Variants in JPH3 observed in about 807,000 individuals in gnomAD.
JPH3 encodes the protein junctophilin-3.
A neutral mutation model predicts 59.6 loss-of-function variants in JPH3; 11 were observed. The ratio of observed to expected loss-of-function variants is 0.18; its 90% CI spans 0.12 to 0.31. The LOEUF (loss-of-function observed/expected upper bound fraction) is 0.31, where lower values mean the gene tolerates loss of function less well. Ranked by LOEUF, JPH3 falls within the 10% of genes least tolerant of loss-of-function variation. JPH3 has a pLI of 1.00. For synonymous variants in JPH3, 673 were observed against 483.6 expected, an observed-to-expected ratio of 1.39 and a Z score of -5.14; for missense variants, 1,202 against 1,105.7, an observed-to-expected ratio of 1.09 and a Z score of -1.24.
At chr16:87,690,775 A>T (rs1313465761) in intron 4 of JPH3, among the ~76,000 whole-genome samples, 2 of 151,910 alleles carry the variant, frequency 1.3e-5, no homozygotes, top group Admixed American at 1.3e-4. Flanking sequence ...AAAGCACACG[A>T]AACTCCTGGT....
intron 2 of JPH3, among the ~76,000 whole-genome samples, chr16:87,646,254 A>G (rs1048863867): frequency 1.3e-5 from 2 of 152,262 alleles, no homozygotes; most frequent in East Asian, 1.9e-4. Context: ...CCTTTGATCT[A>G]TAGTGAAAAA....
chr16:87,634,606 C>A (rs894892071), intron 1 of JPH3, among the ~76,000 whole-genome samples: 1 of 152,260 alleles, frequency 6.6e-6, no homozygotes, highest in African/African-American at 2.4e-5. Flanking sequence ...CTGCCCCAGG[C>A]CCAGGCTGGT....
chr16:87,617,154 C>T (rs773823855), intron 1 of JPH3, among the ~76,000 whole-genome samples: 4 of 148,110 alleles, frequency 2.7e-5, no homozygotes, highest in African/African-American at 8.0e-5. Context: ...GCCTGGGAGG[C>T]GGAGGTTGCA....
At chr16:87,655,397 GGGCTGGAGTGCAGTGGTAC>G (rs2032465576) in intron 2 of JPH3, among the ~76,000 whole-genome samples, 1 of 152,090 alleles carries the variant, frequency 6.6e-6, no homozygotes. Flanking sequence ...TCTGTCCCCC[GGGCTGGAGTGCAGTGGTAC>G]GATCATAGCC....
intron 1 of JPH3, among the ~76,000 whole-genome samples, chr16:87,608,452 C>T (rs2030608866): frequency 6.6e-6 from 1 of 152,180 alleles, no homozygotes; most frequent in Non-Finnish European, 1.5e-5. Context: ...GGCCGCTTCC[C>T]CCGCTGGTAG....
At chr16:87,678,837 AC>A (rs1440859156) in intron 2 of JPH3, among the ~76,000 whole-genome samples, 1 of 152,218 alleles carries the variant, frequency 6.6e-6, no homozygotes. Context: ...GAGTAAGGCC[AC>A]CACGAGCCTG....
chr16:87,625,673 G>A (rs1174917704), intron 1 of JPH3, among the ~76,000 whole-genome samples: 1 of 152,158 alleles, frequency 6.6e-6, no homozygotes, highest in African/African-American at 2.4e-5. Context: ...CCTTCATCAA[G>A]CTGTAATGAA....
At chr16:87,666,199 C>T (rs2032855702) in intron 2 of JPH3, among the ~76,000 whole-genome samples, 2 of 151,198 alleles carry the variant, frequency 1.3e-5, no homozygotes, top group Non-Finnish European at 2.9e-5. Context: ...AGCAGTTCTC[C>T]TGCCTCAGGC....
chr16:87,649,778 G>C (rs1011882461), intron 2 of JPH3, among the ~76,000 whole-genome samples: 1 of 91,392 alleles, frequency 1.1e-5, no homozygotes, highest in Admixed American at 1.1e-4. Context: ...CAGAACCCCA[G>C]GGTGAAGGAG....
intron 1 of JPH3, among the ~76,000 whole-genome samples, chr16:87,614,487 TCCGC>T (rs2030867726): frequency 4.6e-5 from 4 of 86,246 alleles, no homozygotes; most frequent in Admixed American, 1.1e-4. Flanking sequence ...CACACGAGGG[TCCGC>T]GCGTCCCCCG....
At chr16:87,604,950 C>T (rs899770912) in intron 1 of JPH3, 3 of 453,190 alleles carry the variant, frequency 6.6e-6, no homozygotes, top group South Asian at 1.6e-5. Flanking sequence ...CGGGAGCAGA[C>T]GGTGCTCCCT....
intron 1 of JPH3, among the ~76,000 whole-genome samples, chr16:87,639,224 G>C (rs1002057668): frequency 6.6e-6 from 1 of 152,150 alleles, no homozygotes; most frequent in Non-Finnish European, 1.5e-5. Context: ...CCTCGTTGCA[G>C]ATGAGGAGAC....
chr16:87,680,890 T>C (rs1349386695), intron 2 of JPH3, among the ~76,000 whole-genome samples: 1 of 152,178 alleles, frequency 6.6e-6, no homozygotes, highest in Non-Finnish European at 1.5e-5. Flanking sequence ...GGTGAGTTCA[T>C]GTTGGTGGTA....
chr16:87,696,952 G>C lies in JPH3; in HGVS notation c.*292G>C, dbSNP rs553683633. 1 of 417,920 alleles carries C rather than the reference G, an allele frequency of 2.4e-6. No individual in the cohort carries two copies. The highest frequency in any genetic ancestry group is 4.5e-6 in the Non-Finnish European group (1 of 223,562). The allele number at this position is 417,920 out of a possible 1,614,324, so 25.9% of individuals were successfully genotyped here. On this transcript the variant is annotated 3_prime_UTR_variant, in exon 5 of 5. Transcript: ENST00000284262. ...TCCACGTGGAGACAGAAGGGATCCC[G>C]GCACATCAGTGGTAACAGCGGACGT...
chr16:87,626,896 T>C, intron 1 of JPH3, among the ~76,000 whole-genome samples: 1 of 152,244 alleles, frequency 6.6e-6, no homozygotes, highest in African/African-American at 2.4e-5. Flanking sequence ...TCCCAGCACT[T>C]TGGGGAGGGC....
At chr16:87,673,645 G>A (rs1034860319) in intron 2 of JPH3, among the ~76,000 whole-genome samples, 2 of 152,182 alleles carry the variant, frequency 1.3e-5, no homozygotes, top group Non-Finnish European at 2.9e-5. Flanking sequence ...AAAACAAGAG[G>A]CTGGGCACGG....
At chr16:87,609,418 C>T (rs1324126101) in intron 1 of JPH3, among the ~76,000 whole-genome samples, 1 of 152,138 alleles carries the variant, frequency 6.6e-6, no homozygotes, top group Non-Finnish European at 1.5e-5. Flanking sequence ...AGGCATACAC[C>T]ACCACACCTG....
At chr16:87,640,568 T>C (rs1436648956) in intron 1 of JPH3, among the ~76,000 whole-genome samples, 5 of 151,848 alleles carry the variant, frequency 3.3e-5, no homozygotes, top group Non-Finnish European at 5.9e-5. Flanking sequence ...TTTTTTTGTA[T>C]TTTTAGTAGA....
intron 3 of JPH3, among the ~76,000 whole-genome samples, chr16:87,685,265 C>T (rs939801402): frequency 5.9e-5 from 9 of 152,238 alleles, no homozygotes; most frequent in Non-Finnish European, 1.2e-4. Context: ...CCTGCAGCTG[C>T]AGCCTGGAGG....
Sources: allele counts gnomAD v4.1 joint callset (sites outside exome capture counted in the v4.1 genomes callset), GRCh38; gene constraint gnomAD v4.1.1; transcripts MANE v1.5; gene names NCBI Gene and HGNC (gene_info 2026-07-23, HGNC 2026-07-21).